Variants in CDC14A observed in about 807,000 individuals in gnomAD.
CDC14A encodes cell division cycle 14A, also known as dual specificity protein phosphatase CDC14A.
Under a neutral mutation model 74.4 loss-of-function variants are expected in CDC14A, and 53 were observed. The observed-to-expected ratio is 0.71, with a 90% CI of 0.57 to 0.89. CDC14A has a LOEUF of 0.89. CDC14A is among the 40% of genes least tolerant of loss of function. CDC14A has a pLI of 0.00. For missense variants in CDC14A, 646 were observed against 713.7 expected, an observed-to-expected ratio of 0.91 and a Z score of 1.08; for synonymous variants, 247 against 258.4, an observed-to-expected ratio of 0.96 and a Z score of 0.43.
At position 100,495,860 on chromosome 1, in the gene CDC14A, G is replaced by A. The variant is rs2101424867; in HGVS notation, c.1251-142G>A. 7.8e-6 allele frequency: 5 copies of A among 643,572 alleles called. No individual in the cohort carries two copies. In the Middle Eastern group the frequency reaches 1.2e-3, roughly 151 times the overall value. 39.9% of individuals were successfully genotyped at this position (643,572 alleles called of 1,614,324 possible). A position where few individuals can be genotyped will look rare whatever the true frequency, so the allele number is the denominator to read the frequency against. ...AAGGGGATAGCAAGCCTGGTTCTGG[G>A]TAATCTAATATCCATTTGCAAGGTT... On this transcript the variant is annotated intron_variant, in intron 12 of 15. Coordinates refer to ENST00000336454, the MANE Select transcript of CDC14A (RefSeq NM_003672.4).
chr1:100,401,643 A>G (rs1404483058), intron 4 of CDC14A, among the ~76,000 whole-genome samples: 1 of 152,222 alleles, frequency 6.6e-6, no homozygotes. Context: ...GTTTTTCTCA[A>G]TAGGTGAAAC....
At chr1:100,353,697 C>T in intron 1 of CDC14A, 65 bp from the exon 2 acceptor site, 1 of 804,380 alleles carries the variant, frequency 1.2e-6, no homozygotes, top group Non-Finnish European at 2.1e-6. Context: ...TATGTTACCA[C>T]CCACCTTCAC....
intron 8 of CDC14A, among the ~76,000 whole-genome samples, chr1:100,458,089 C>T (rs1360592806): frequency 2.0e-5 from 3 of 152,134 alleles, no homozygotes; most frequent in Non-Finnish European, 4.4e-5. Flanking sequence ...GGGTGCTAAG[C>T]CTCTTGCATA....
chr1:100,510,357 G>A (rs75285057), intron 15 of CDC14A, among the ~76,000 whole-genome samples: 8 of 152,200 alleles, frequency 5.3e-5, no homozygotes, highest in African/African-American at 1.9e-4. Flanking sequence ...CTTGCCCAAG[G>A]TGTCACAGTG....
At chr1:100,472,336 G>A (rs983963177) in intron 10 of CDC14A, among the ~76,000 whole-genome samples, 2 of 152,258 alleles carry the variant, frequency 1.3e-5, no homozygotes, top group Middle Eastern at 3.4e-3. Context: ...TTCCAAAGTA[G>A]ATATGCCTGT....
intron 15 of CDC14A, among the ~76,000 whole-genome samples, chr1:100,506,525 T>C (rs925220242): frequency 6.6e-6 from 1 of 152,242 alleles, no homozygotes; most frequent in Non-Finnish European, 1.5e-5. Context: ...AAACTGTTTA[T>C]ATGTTTGCAG....
chr1:100,353,244 C>T (rs1651371615), intron 1 of CDC14A, among the ~76,000 whole-genome samples: 1 of 152,238 alleles, frequency 6.6e-6, no homozygotes, highest in Non-Finnish European at 1.5e-5. Flanking sequence ...TGGGACAGCA[C>T]CGGCTTCTGC....
In CDC14A at chr1:100,443,802, C is replaced by T. The variant is rs1189421229; in HGVS notation, c.519+806C>T. 5.3e-5 allele frequency among the ~76,000 whole-genome samples: 8 copies of T among 152,040 alleles called. No individual in the cohort carries two copies. In the East Asian group the frequency reaches 5.8e-4, roughly 11 times the overall value. ...CAAAGGCTATCTCCAAGCTGGTTTG[C>T]GCTGTAAGGAGATGTTGAAGCAGAG... On this transcript the variant is annotated intron_variant, in intron 7 of 15. Transcript: ENST00000336454.
chr1:100,393,728 G>A (rs1440490022), intron 4 of CDC14A: 1 of 367,362 alleles, frequency 2.7e-6, no homozygotes, highest in Non-Finnish European at 5.3e-6. Context: ...GGCTGAGGCG[G>A]GCGGATCACA....
intron 4 of CDC14A, among the ~76,000 whole-genome samples, chr1:100,409,614 C>T (rs1660406861): frequency 6.6e-6 from 1 of 152,162 alleles, no homozygotes; most frequent in Non-Finnish European, 1.5e-5. Context: ...GGCTACAGGC[C>T]CCATGCAAGT....
chr1:100,393,668 T>C, intron 4 of CDC14A: 1 of 514,018 alleles, frequency 1.9e-6, no homozygotes, highest in Non-Finnish European at 3.7e-6. Flanking sequence ...GATCAAGTGG[T>C]CAATATCAAT....
At chr1:100,419,350 G>A (rs558024986) in intron 4 of CDC14A, among the ~76,000 whole-genome samples, 2 of 152,228 alleles carry the variant, frequency 1.3e-5, no homozygotes, top group African/African-American at 2.4e-5. Flanking sequence ...GAGAAAGGGG[G>A]ATGTTGGGAG....
chr1:100,429,257 A>G (rs1663344991), intron 5 of CDC14A, among the ~76,000 whole-genome samples: 2 of 143,410 alleles, frequency 1.4e-5, no homozygotes, highest in African/African-American at 5.5e-5. Context: ...GACATATACA[A>G]TTAAACAGGG....
At chr1:100,367,699 G>T (rs1653835012) in intron 2 of CDC14A, among the ~76,000 whole-genome samples, 1 of 152,216 alleles carries the variant, frequency 6.6e-6, no homozygotes, top group Admixed American at 6.5e-5. Flanking sequence ...CAAAACTTTT[G>T]ACTGAATTTT....
Position 100,494,813 on chromosome 1 carries a change from T to A in CDC14A, c.1138-5T>A. ...CCTTTCTATGGAACGTGTATTTTTT[T>A]CCAGGATAACTTAGAAGATGATGAT... On this transcript the variant is annotated splice_region_variant and splice_polypyrimidine_tract_variant and intron_variant, in intron 11 of 15. Transcript: ENST00000336454. The A allele has an allele frequency of 6.4e-7, 1 of 1,574,284 alleles. No homozygotes were observed. The highest frequency in any genetic ancestry group is 8.7e-7 in the Non-Finnish European group (1 of 1,145,104).
chr1:100,374,059 G>GT (rs1162834169), intron 2 of CDC14A, among the ~76,000 whole-genome samples: 2 of 151,888 alleles, frequency 1.3e-5, no homozygotes, highest in Admixed American at 1.3e-4. Context: ...GCGGTGTTTG[G>GT]TTTTTTGTTC....
chr1:100,509,404 G>A (rs1258161781), intron 15 of CDC14A, among the ~76,000 whole-genome samples: 2 of 152,142 alleles, frequency 1.3e-5, no homozygotes, highest in African/African-American at 4.8e-5. Context: ...GTTAGAAAAT[G>A]TCTTTTATTT....
chr1:100,349,564 A>G (rs919119754), upstream of CDC14A, among the ~76,000 whole-genome samples: 1 of 152,174 alleles, frequency 6.6e-6, no homozygotes, highest in Non-Finnish European at 1.5e-5. Context: ...TATCTAGTTC[A>G]TATTTTTCTT....
intron 8 of CDC14A, among the ~76,000 whole-genome samples, chr1:100,456,021 G>A (rs534736590): frequency 1.3e-5 from 2 of 152,306 alleles, no homozygotes; most frequent in African/African-American, 2.4e-5. Context: ...AGTAAATTGA[G>A]CCTTATTAGT....
Sources: gnomAD v4.1 joint callset for allele counts (sites outside exome capture counted in the v4.1 genomes callset) on GRCh38, gnomAD v4.1.1 for gene constraint, MANE v1.5 for transcripts, NCBI Gene and HGNC (gene_info 2026-07-23, HGNC 2026-07-21) for gene names.